Variants in FHIT observed in about 807,000 individuals in gnomAD.
The protein encoded by FHIT is bis(5'-adenosyl)-triphosphatase.
FHIT carries 19 observed loss-of-function variants against 17.9 expected under a neutral mutation model. The observed-to-expected ratio is 1.06, with a 90% CI of 0.74 to 1.56. The LOEUF (loss-of-function observed/expected upper bound fraction) is 1.56, where lower values mean the gene tolerates loss of function less well. Ranked by LOEUF, FHIT falls within the 40% of genes most tolerant of loss-of-function variation. The pLI is 0.00. For missense variants in FHIT, 248 were observed against 189.2 expected (o/e 1.31, Z -1.82); for synonymous variants, 81 against 69.7 (o/e 1.16, Z -0.81).
chr3:60,673,377 G>C lies in FHIT; in HGVS notation c.-17-136398C>G, dbSNP rs559144678. On this transcript the variant is annotated intron_variant, in intron 4 of 9. Transcript: ENST00000492590. ...CATGTCCTTTGCAGGGGCATGGATA[G>C]AGCTGGAAGAGATCATCCTCAACAA... is the stretch of plus-strand genomic sequence containing the variant. Among the ~76,000 whole-genome samples, 28 of 152,292 alleles carry C rather than the reference G, an allele frequency of 1.8e-4. No individual in the cohort carries two copies. The South Asian group carries it at 4.8e-3, about 26-fold the overall frequency.
intron 5 of FHIT, among the ~76,000 whole-genome samples, chr3:60,150,557 G>A (rs954344055): frequency 6.6e-6 from 1 of 152,164 alleles, no homozygotes; most frequent in Admixed American, 6.5e-5. Flanking sequence ...TTTAGTCTCA[G>A]GTGATTCTCC....
At chr3:59,913,414 A>T (rs1356762961) in intron 8 of FHIT, among the ~76,000 whole-genome samples, 2 of 152,226 alleles carry the variant, frequency 1.3e-5, no homozygotes. Context: ...ACTTTGATAT[A>T]AACAAGCTTT....
chr3:59,785,959 G>A (rs548966619), intron 8 of FHIT, among the ~76,000 whole-genome samples: 1 of 152,288 alleles, frequency 6.6e-6, no homozygotes, highest in Non-Finnish European at 1.5e-5. Flanking sequence ...CCGCTTAGAG[G>A]ATCTGTCATG....
chr3:60,806,694 C>G (rs1701401665), intron 4 of FHIT, among the ~76,000 whole-genome samples: 1 of 152,202 alleles, frequency 6.6e-6, no homozygotes, highest in Non-Finnish European at 1.5e-5. Context: ...GACCTTTTAA[C>G]TACTTAAGGT....
intron 5 of FHIT, among the ~76,000 whole-genome samples, chr3:60,226,161 C>T (rs1051750139): frequency 1.3e-5 from 2 of 152,080 alleles, no homozygotes; most frequent in Admixed American, 6.6e-5. Context: ...TACAACAGAG[C>T]TGTCTTCTGT....
chr3:60,754,375 A>G (rs1373504241), intron 4 of FHIT, among the ~76,000 whole-genome samples: 2 of 152,228 alleles, frequency 1.3e-5, no homozygotes, highest in African/African-American at 4.8e-5. Flanking sequence ...ACATACGAGT[A>G]GAGGCTGGTT....
At chr3:60,885,604 A>C (rs1188991942) in intron 3 of FHIT, among the ~76,000 whole-genome samples, 1 of 152,166 alleles carries the variant, frequency 6.6e-6, no homozygotes, top group Admixed American at 6.6e-5. Flanking sequence ...AGGTCTATGA[A>C]ACTCTTCAAA....
intron 3 of FHIT, among the ~76,000 whole-genome samples, chr3:60,876,154 C>G (rs1039314772): frequency 6.6e-6 from 1 of 151,958 alleles, no homozygotes; most frequent in Non-Finnish European, 1.5e-5. Flanking sequence ...CTTTAGTAAG[C>G]AAGGGATTTT....
At chr3:61,246,541 C>T (rs1455914105) in intron 1 of FHIT, among the ~76,000 whole-genome samples, 3 of 152,224 alleles carry the variant, frequency 2.0e-5, no homozygotes, top group South Asian at 2.1e-4. Context: ...TGCAGGTAAC[C>T]GGACTCTGCA....
chr3:59,763,462 C>G (rs1701633082), intron 8 of FHIT, among the ~76,000 whole-genome samples: 1 of 152,202 alleles, frequency 6.6e-6, no homozygotes, highest in African/African-American at 2.4e-5. Context: ...CTAGCTGGGA[C>G]CTTTGAACAA....
chr3:60,134,770 G>A (rs115857513), intron 5 of FHIT, among the ~76,000 whole-genome samples: 233 of 152,268 alleles, frequency 1.5e-3, no homozygotes, highest in Non-Finnish European at 2.1e-3. Context: ...TCAAACGTAT[G>A]AGTCAGCTGT....
chr3:59,929,374 T>G (rs966741737), intron 7 of FHIT, among the ~76,000 whole-genome samples: 26 of 136,202 alleles, frequency 1.9e-4, no homozygotes, highest in African/African-American at 6.3e-4. Flanking sequence ...TTTTTTTTTT[T>G]TTTTTTTTTT....
At chr3:60,616,810 G>C (rs1380034821) in intron 4 of FHIT, 1 of 152,156 alleles carries the variant, frequency 6.6e-6, no homozygotes, top group African/African-American at 2.4e-5. Context: ...CAAAGTAAAA[G>C]CCATCTACGG....
rs552449494 is a variant in FHIT, at chr3:60,951,198, C to A, written c.-111+90849G>T. Among the ~76,000 whole-genome samples the A allele has an allele frequency of 1.1e-4, 17 of 152,246 alleles. No homozygotes were observed. The South Asian group carries it at 3.1e-3, about 28-fold the overall frequency. Reference sequence around the variant, plus strand: ...AAATACTGGATACAAGAAAAAGGGTCTTTTGTATTCTTCAAGAGAAATCTA... The same window carrying A: ...AAATACTGGATACAAGAAAAAGGGTATTTTGTATTCTTCAAGAGAAATCTA... On this transcript the variant is annotated intron_variant, in intron 3 of 9. Transcript: ENST00000492590.
At chr3:60,327,010 C>T (rs1169799184) in intron 5 of FHIT, among the ~76,000 whole-genome samples, 8 of 152,106 alleles carry the variant, frequency 5.3e-5, no homozygotes, top group Non-Finnish European at 1.0e-4. Context: ...GAAGTGAATG[C>T]CAGGAAAATG....
intron 4 of FHIT, among the ~76,000 whole-genome samples, chr3:60,782,761 C>T (rs1450717544): frequency 2.6e-5 from 4 of 152,082 alleles, no homozygotes; most frequent in Non-Finnish European, 5.9e-5. Flanking sequence ...GTCAAGGTGC[C>T]AGTAGATTAA....
chr3:60,215,043 G>A (rs911187223), intron 5 of FHIT, among the ~76,000 whole-genome samples: 1 of 151,940 alleles, frequency 6.6e-6, no homozygotes, highest in African/African-American at 2.4e-5. Flanking sequence ...GGGGCACATG[G>A]ATTCAAAGCC....
chr3:60,145,843 T>A (rs1187459338), intron 5 of FHIT, among the ~76,000 whole-genome samples: 1 of 152,172 alleles, frequency 6.6e-6, no homozygotes, highest in East Asian at 1.9e-4. Context: ...CACCACTGCT[T>A]CACAAAACAG....
At chr3:60,113,749 C>T (rs1039268124) in intron 5 of FHIT, among the ~76,000 whole-genome samples, 2 of 150,914 alleles carry the variant, frequency 1.3e-5, no homozygotes, top group African/African-American at 4.9e-5. Flanking sequence ...CACCTGTTAT[C>T]CCAGCACTTT....
Sources: allele counts gnomAD v4.1 joint callset (sites outside exome capture counted in the v4.1 genomes callset), GRCh38; gene constraint gnomAD v4.1.1; transcripts MANE v1.5; gene names NCBI Gene and HGNC (gene_info 2026-07-23, HGNC 2026-07-21).